The following CEP112 variants were observed in gnomAD, a reference collection of about 807,000 sequenced individuals.
CEP112 encodes the protein centrosomal protein 112, also known as centrosomal protein of 112 kDa.
A neutral mutation model predicts 153.0 loss-of-function variants in CEP112; 127 were observed. The ratio of observed to expected loss-of-function variants is 0.83; its 90% CI spans 0.72 to 0.96. The LOEUF (loss-of-function observed/expected upper bound fraction) is 0.96. Ranked by LOEUF, CEP112 falls within the 40% of genes least tolerant of loss-of-function variation. The pLI, the probability that CEP112 is intolerant of heterozygous loss-of-function variation, is 0.00. For synonymous variants in CEP112, 358 were observed against 374.4 expected (o/e 0.96, Z 0.51); for missense variants, 1,089 against 1,101.2 (o/e 0.99, Z 0.16).
intron 6 of CEP112, among the ~76,000 whole-genome samples, chr17:66,098,549 T>C (rs2068439254): frequency 6.6e-6 from 1 of 152,152 alleles, no homozygotes; most frequent in Non-Finnish European, 1.5e-5. Flanking sequence ...GTAGAAGTCA[T>C]AACATTTATA....
intron 24 of CEP112, chr17:65,655,191 C>T (rs1004185507): frequency 2.3e-5 from 18 of 767,706 alleles, no homozygotes; most frequent in Non-Finnish European, 4.1e-5. Context: ...TGACAAGTGG[C>T]TGTCTCACTG....
intron 21 of CEP112, among the ~76,000 whole-genome samples, chr17:65,779,136 A>C (rs996961117): frequency 3.3e-5 from 5 of 152,210 alleles, no homozygotes; most frequent in African/African-American, 4.8e-5. Context: ...ACATAATTTA[A>C]TATCAATTCA....
At chr17:66,135,599 G>A (rs72837152) in intron 4 of CEP112, among the ~76,000 whole-genome samples, 3,360 of 152,166 alleles carry the variant, frequency 0.022, 49 homozygotes, top group Non-Finnish European at 0.032. Context: ...TTAATTTCAG[G>A]ATGCCAAAAC....
intron 20 of CEP112, among the ~76,000 whole-genome samples, chr17:65,885,716 A>G (rs2059252339): frequency 6.6e-6 from 1 of 152,206 alleles, no homozygotes; most frequent in Admixed American, 6.5e-5. Context: ...AGATGATGAA[A>G]CTGTTTTTCC....
At chr17:66,171,414 T>C (rs936720234) in intron 4 of CEP112, among the ~76,000 whole-genome samples, 1 of 152,214 alleles carries the variant, frequency 6.6e-6, no homozygotes, top group African/African-American at 2.4e-5. Context: ...CAATAAATTA[T>C]TCACCATAAA....
At chr17:65,863,739 G>T (rs1159435162) in intron 20 of CEP112, among the ~76,000 whole-genome samples, 3 of 124,652 alleles carry the variant, frequency 2.4e-5, no homozygotes, top group Non-Finnish European at 4.9e-5. Context: ...GACAGAGCAA[G>T]ACTCTGTCTC....
chr17:65,788,878 A>G (rs886778740), intron 21 of CEP112, among the ~76,000 whole-genome samples: 1 of 152,168 alleles, frequency 6.6e-6, no homozygotes, highest in African/African-American at 2.4e-5. Context: ...TATGGCATCT[A>G]TGTCCTTATT....
intron 23 of CEP112, among the ~76,000 whole-genome samples, chr17:65,703,042 A>AT (rs940942569): frequency 2.6e-5 from 4 of 152,194 alleles, no homozygotes; most frequent in Non-Finnish European, 5.9e-5. Context: ...CATATGATAC[A>AT]TCAGGTTCAT....
intron 4 of CEP112, among the ~76,000 whole-genome samples, chr17:66,145,690 C>A (rs958852894): frequency 6.6e-6 from 1 of 152,064 alleles, no homozygotes; most frequent in Non-Finnish European, 1.5e-5. Flanking sequence ...TCCATCTATC[C>A]TTTCACCAAT....
chr17:65,908,823 A>T (rs915874207), intron 19 of CEP112, among the ~76,000 whole-genome samples: 9 of 152,238 alleles, frequency 5.9e-5, no homozygotes, highest in Non-Finnish European at 2.9e-5. Context: ...ATTTCAGAAC[A>T]GACGAAATCC....
At chr17:66,084,465 A>G (rs962064490) in intron 8 of CEP112, among the ~76,000 whole-genome samples, 1 of 152,224 alleles carries the variant, frequency 6.6e-6, no homozygotes, top group East Asian at 1.9e-4. Flanking sequence ...TACACAATGG[A>G]GTACTACCCA....
chr17:65,669,397 A>C (rs1296966612), intron 24 of CEP112, among the ~76,000 whole-genome samples: 1 of 152,200 alleles, frequency 6.6e-6, no homozygotes, highest in Non-Finnish European at 1.5e-5. Flanking sequence ...TGGAGTTTGA[A>C]AAAGGGTATG....
At chr17:66,127,288 A>G (rs999364466) in intron 6 of CEP112, among the ~76,000 whole-genome samples, 7 of 152,222 alleles carry the variant, frequency 4.6e-5, no homozygotes, top group African/African-American at 1.7e-4. Flanking sequence ...GGCTAAGGGC[A>G]AAGGTGAGTT....
Position 66,191,638 on chromosome 17 carries a change from A to T in CEP112, c.-9+359T>A, listed in dbSNP as rs1438348167. On this transcript the variant is annotated intron_variant, in intron 1 of 26. Coordinates refer to ENST00000535342, the MANE Select transcript of CEP112 (RefSeq NM_001199165.4). The surrounding 1 kb of genome is among the most constrained non-coding windows in gnomAD (Gnocchi z 4.2). ...TCCCTTCCTCGGCCCGCCGAGGCCC[A>T]GGCCCAGGCCGCGCTCCTACCTTGT... 3 of 153,130 alleles carry T rather than the reference A, an allele frequency of 2.0e-5. No homozygotes were observed. The highest frequency in any genetic ancestry group is 4.4e-5 in the Non-Finnish European group (3 of 68,472). 9.5% of individuals were successfully genotyped at this position (153,130 alleles called of 1,614,324 possible). A position where few individuals can be genotyped will look rare whatever the true frequency, so the allele number is the denominator to read the frequency against.
Position 65,788,088 on chromosome 17 carries a change from T to C in CEP112, c.2395-37364A>G, listed in dbSNP as rs530762823. On this transcript the variant is annotated intron_variant, in intron 21 of 26. Coordinates refer to ENST00000535342, the MANE Select transcript of CEP112 (RefSeq NM_001199165.4). ...TCTTTATCAGGGTAAGGATACTCCC[T>C]CCTATTCCTAGCTTATTAAGATTAT... Among the ~76,000 whole-genome samples, 89 of 152,318 alleles carry C rather than the reference T, an allele frequency of 5.8e-4. 2 individuals are homozygous for C. In the South Asian group the frequency reaches 0.018, roughly 31 times the overall value.
Position 65,720,324 on chromosome 17 carries a change from T to C in CEP112, c.2607+22744A>G, listed in dbSNP as rs1279762689. 2.6e-5 allele frequency among the ~76,000 whole-genome samples: 4 copies of C among 152,344 alleles called. No homozygotes were observed. The East Asian group carries it at 7.7e-4, about 29-fold the overall frequency. Reference sequence around the variant, plus strand: ...GGGCTAGAGATAGAAAGTTGCCAGTTGTCAGAACATAGGTGGTAGTGACTG... The same window carrying C: ...GGGCTAGAGATAGAAAGTTGCCAGTCGTCAGAACATAGGTGGTAGTGACTG... On this transcript the variant is annotated intron_variant, in intron 23 of 26. Coordinates refer to ENST00000535342, the MANE Select transcript of CEP112 (RefSeq NM_001199165.4).
At chr17:65,759,815 T>C (rs961391066) in intron 21 of CEP112, among the ~76,000 whole-genome samples, 1 of 152,210 alleles carries the variant, frequency 6.6e-6, no homozygotes, top group Non-Finnish European at 1.5e-5. Flanking sequence ...GATTTCATCA[T>C]ATAAATCTCA....
At chr17:66,000,980 T>C (rs2064019892) in intron 17 of CEP112, among the ~76,000 whole-genome samples, 2 of 152,236 alleles carry the variant, frequency 1.3e-5, no homozygotes, top group South Asian at 4.1e-4. Flanking sequence ...TTCTCTACAA[T>C]GGCAGCTTTC....
Position 65,902,255 on chromosome 17 carries a change from A to G in CEP112, c.2060T>C (p.Val687Ala), listed in dbSNP as rs775454965. Reference sequence around the variant, plus strand: ...TTCAATTTCCCGTTCATGGTCTCGGACTAGGCTATCCTTCTCTGCGTTATG... The same window carrying G: ...TTCAATTTCCCGTTCATGGTCTCGGGCTAGGCTATCCTTCTCTGCGTTATG... Reference protein sequence around the residue: ...QQHNAEKDSLVRDHEREIENL... With the variant: ...QQHNAEKDSLARDHEREIENL... The change falls in exon 20 of 27, where the codon GTC becomes GCC. Residue 687 changes from valine to alanine, a missense_variant. Transcript: ENST00000535342. 1.2e-6 allele frequency: 2 copies of G among 1,613,928 alleles called. No individual in the cohort carries two copies. Among genetic ancestry groups the G allele is most frequent in the African/African-American group, 2.7e-5 (2 of 74,972 alleles).
Sources: allele counts gnomAD v4.1 joint callset (sites outside exome capture counted in the v4.1 genomes callset), GRCh38; gene constraint gnomAD v4.1.1; non-coding constraint Gnocchi (gnomAD v3.1); transcripts MANE v1.5; gene names NCBI Gene and HGNC (gene_info 2026-07-23, HGNC 2026-07-21).